VGLL4: variants seen among roughly 807,000 people sequenced by gnomAD.
VGLL4 encodes the protein vestigial like family member 4.
A neutral mutation model predicts 21.0 loss-of-function variants in VGLL4; 7 were observed. The ratio of observed to expected loss-of-function variants is 0.33; its 90% CI spans 0.19 to 0.63. The LOEUF is 0.63. Among genes scored for constraint, VGLL4 ranks in the 20% least tolerant of loss-of-function variants. The pLI, the probability that VGLL4 is intolerant of heterozygous loss-of-function variation, is 0.78. For synonymous variants in VGLL4, 222 were observed against 173.2 expected, an observed-to-expected ratio of 1.28 and a Z score of -2.21; for missense variants, 394 against 425.7, an observed-to-expected ratio of 0.93 and a Z score of 0.66.
At position 11,573,663 on chromosome 3, in the gene VGLL4, G is replaced by C. The variant is rs114477570; in HGVS notation, c.273-8644C>G. The stretch of plus-strand genomic sequence containing the variant: ...TCCTGGCATGAAATCACTCCTTCTT[G>C]TTGTTTTAATTTGCATTTCTTCAGT... On this transcript the variant is annotated intron_variant, in intron 2 of 4. Coordinates refer to ENST00000430365, the MANE Select transcript of VGLL4 (RefSeq NM_001128219.3). 3.6e-3 allele frequency among the ~76,000 whole-genome samples: 551 copies of C among 152,314 alleles called. 6 individuals carry two copies. The highest frequency in any genetic ancestry group is 7.7e-3 in the Admixed American group (118 of 15,302).
intron 2 of VGLL4, among the ~76,000 whole-genome samples, chr3:11,662,000 C>T (rs1200025854): frequency 6.6e-6 from 1 of 152,214 alleles, no homozygotes. Flanking sequence ...AGGACACATT[C>T]CAGAAAATCC....
At chr3:11,563,972 G>A (rs1482635433) in intron 3 of VGLL4, among the ~76,000 whole-genome samples, 1 of 152,170 alleles carries the variant, frequency 6.6e-6, no homozygotes, top group Non-Finnish European at 1.5e-5. Flanking sequence ...TGAGGCCACA[G>A]GGACACAGAG....
At chr3:11,637,617 A>G (rs2125325022) in intron 1 of VGLL4, among the ~76,000 whole-genome samples, 1 of 152,370 alleles carries the variant, frequency 6.6e-6, no homozygotes, top group East Asian at 1.9e-4. Flanking sequence ...TATACATAAT[A>G]CCTTGAAATT....
In VGLL4 at chr3:11,565,014, T is replaced by G; in HGVS notation, c.278A>C (p.Lys93Thr). 1 of 1,481,388 alleles carries G rather than the reference T, an allele frequency of 6.8e-7. No individual in the cohort carries two copies. The highest frequency in any genetic ancestry group is 1.4e-5 in the South Asian group (1 of 70,542). 91.8% of individuals were successfully genotyped at this position (1,481,388 alleles called of 1,614,324 possible). A position where few individuals can be genotyped will look rare whatever the true frequency, so the allele number is the denominator to read the frequency against. ...TCTGCGGCAGTCTCCATTGGCAGTCTTGTTCCTGAAAAAGAGGAATGGGCA... is the reference window on the plus strand; with the variant it reads ...TCTGCGGCAGTCTCCATTGGCAGTCGTGTTCCTGAAAAAGAGGAATGGGCA... ...MSRIFNPHLN[K>T]TANGDCRRDP... The change falls in exon 3 of 5, where the codon AAG becomes ACG. Residue 93 changes from lysine to threonine, a missense_variant. Lys to Thr is a moderately conservative substitution (Grantham distance 78, BLOSUM62 -1). Transcript: ENST00000430365. The surrounding 1 kb of genome is among the most constrained non-coding windows in gnomAD (Gnocchi z 4.1).
At chr3:11,682,271 G>C (rs888013862) in intron 2 of VGLL4, among the ~76,000 whole-genome samples, 7 of 152,054 alleles carry the variant, frequency 4.6e-5, no homozygotes, top group African/African-American at 1.4e-4. Flanking sequence ...TGGGCGTGGT[G>C]GTGGGCACCT....
intron 1 of VGLL4, among the ~76,000 whole-genome samples, 190 bp downstream of exon 1, chr3:11,643,247 C>T (rs984264132): frequency 2.0e-5 from 3 of 152,124 alleles, no homozygotes; most frequent in Admixed American, 1.3e-4. Flanking sequence ...CCGTCCAGCC[C>T]CCTCCACCGC....
At chr3:11,677,008 T>G (rs2076300774) in intron 2 of VGLL4, among the ~76,000 whole-genome samples, 1 of 152,206 alleles carries the variant, frequency 6.6e-6, no homozygotes, top group South Asian at 2.1e-4. Flanking sequence ...CTAAAACTGT[T>G]ACACTTTTTT....
At chr3:11,698,104 T>A (rs1309675297) in intron 2 of VGLL4, among the ~76,000 whole-genome samples, 6 of 152,212 alleles carry the variant, frequency 3.9e-5, no homozygotes, top group Non-Finnish European at 8.8e-5. Context: ...TTGTAAACAT[T>A]GCAATAAAAT....
chr3:11,698,021 A>C (rs553640423), intron 2 of VGLL4, among the ~76,000 whole-genome samples: 1 of 152,360 alleles, frequency 6.6e-6, no homozygotes, highest in Admixed American at 6.5e-5. Context: ...AAGTTATTTT[A>C]ATCTAAGTGA....
intron 2 of VGLL4, among the ~76,000 whole-genome samples, chr3:11,669,577 A>G (rs1022339761): frequency 6.6e-6 from 1 of 152,180 alleles, no homozygotes; most frequent in Non-Finnish European, 1.5e-5. Flanking sequence ...AGAACTCATT[A>G]TTTTGGTACA....
chr3:11,582,438 C>T (rs926647309), intron 2 of VGLL4: 14 of 1,458,482 alleles, frequency 9.6e-6, no homozygotes, highest in East Asian at 2.5e-5. Context: ...AGGAGGGTTG[C>T]GAGGTAAGGG....
chr3:11,574,789 G>GTA lies in VGLL4; in HGVS notation c.273-9771_273-9770insTA, dbSNP rs1167152434. Among the ~76,000 whole-genome samples the GTA allele has an allele frequency of 2.7e-3, 229 of 85,652 alleles. 1 individual carries two copies. The highest frequency in any genetic ancestry group is 0.012 in the African/African-American group (220 of 18,108). 56.2% of individuals were successfully genotyped at this position (85,652 alleles called of 152,430 possible). On this transcript the variant is annotated intron_variant, in intron 2 of 4. Transcript: ENST00000430365. ...TTACTGTCAATTCAACTATATATGT[G>GTA]TGTGTGTGTGTGTGTGTGTGTGTGT...
At position 11,654,356 on chromosome 3, in the gene VGLL4, C is replaced by T. The variant is rs575661759; in HGVS notation, c.64+48615G>A. Among the ~76,000 whole-genome samples the T allele has an allele frequency of 4.6e-5, 7 of 152,230 alleles. No individual in the cohort carries two copies. The South Asian group carries it at 8.3e-4, about 18-fold the overall frequency. On this transcript the variant is annotated intron_variant, in intron 2 of 5. Coordinates refer to the VGLL4 transcript ENST00000273038. Reference sequence around the variant, plus strand: ...TATCCTGTTTCTTTCTCAGTTCTCGCGACAATGCGGAGATGAGGAAACAGA... The same window carrying T: ...TATCCTGTTTCTTTCTCAGTTCTCGTGACAATGCGGAGATGAGGAAACAGA...
chr3:11,717,786 T>G (rs147100628), intron 1 of VGLL4, among the ~76,000 whole-genome samples: 10 of 152,302 alleles, frequency 6.6e-5, no homozygotes, highest in Admixed American at 6.5e-4. Context: ...TTCAAAGAAT[T>G]TATAAATAAC....
intron 2 of VGLL4, among the ~76,000 whole-genome samples, chr3:11,661,435 TTTTATTTATTTATTTA>T (rs56380247): frequency 1.0e-4 from 15 of 148,034 alleles, no homozygotes; most frequent in African/African-American, 3.7e-4. Context: ...ACATTTTTCC[TTTTATTTATTTATTTA>T]TTTATTTATT....
At chr3:11,591,491 A>C (rs1027858295) in intron 2 of VGLL4, among the ~76,000 whole-genome samples, 2 of 152,326 alleles carry the variant, frequency 1.3e-5, no homozygotes, top group South Asian at 4.1e-4. Flanking sequence ...CTGCCTTCCC[A>C]GCTCTCTGCG....
At chr3:11,635,856 A>G (rs2075576678) in intron 1 of VGLL4, among the ~76,000 whole-genome samples, 1 of 152,240 alleles carries the variant, frequency 6.6e-6, no homozygotes, top group Admixed American at 6.5e-5. Flanking sequence ...AGCCTGGCAC[A>G]GCTGCTATTA....
At chr3:11,642,341 T>C (rs1302935792) in intron 1 of VGLL4, among the ~76,000 whole-genome samples, 1 of 152,190 alleles carries the variant, frequency 6.6e-6, no homozygotes, top group East Asian at 1.9e-4. Context: ...GGAAAAATAC[T>C]CTTGAAAGGG....
At position 11,635,833 on chromosome 3, in the gene VGLL4, C is replaced by T. The variant is rs568620866; in HGVS notation, c.82+7604G>A. 2.4e-4 allele frequency among the ~76,000 whole-genome samples: 36 copies of T among 152,304 alleles called. 1 individual carries two copies. The East Asian group carries it at 6.6e-3, about 28-fold the overall frequency. Reference sequence around the variant, plus strand: ...TTTTCCATTCCCTTTACTTTCTAGTCGGTAGAACTTAAAGCCTGGCACAGC... The same window carrying T: ...TTTTCCATTCCCTTTACTTTCTAGTTGGTAGAACTTAAAGCCTGGCACAGC... On this transcript the variant is annotated intron_variant, in intron 1 of 4. Transcript: ENST00000430365.
Sources: allele counts gnomAD v4.1 joint callset (sites outside exome capture counted in the v4.1 genomes callset), GRCh38; gene constraint gnomAD v4.1.1; non-coding constraint Gnocchi (gnomAD v3.1); transcripts MANE v1.5; gene names NCBI Gene and HGNC (gene_info 2026-07-23, HGNC 2026-07-21).